Variants in CDC14A observed in about 807,000 individuals in gnomAD.
The protein encoded by CDC14A is cell division cycle 14A.
Under a neutral mutation model 74.4 loss-of-function variants are expected in CDC14A, and 53 were observed. That is an observed-to-expected ratio of 0.71 (90% confidence interval 0.57 to 0.89). CDC14A has a LOEUF of 0.89. CDC14A is among the 40% of genes least tolerant of loss of function. The probability of loss-of-function intolerance (pLI) is 0.00; values close to 1 mark genes in which losing one functional copy is unlikely to be tolerated. For missense variants in CDC14A, 646 were observed against 713.7 expected, an observed-to-expected ratio of 0.91 and a Z score of 1.08; for synonymous variants, 247 against 258.4, an observed-to-expected ratio of 0.96 and a Z score of 0.43.
chr1:100,393,311 A>G (rs1236803145), intron 4 of CDC14A: 12 of 1,095,730 alleles, frequency 1.1e-5, no homozygotes, highest in African/African-American at 6.2e-5. Context: ...TCCAGGCATT[A>G]CATCCATGCT....
At chr1:100,409,266 C>A (rs913525323) in intron 4 of CDC14A, among the ~76,000 whole-genome samples, 1 of 152,154 alleles carries the variant, frequency 6.6e-6, no homozygotes, top group African/African-American at 2.4e-5. Flanking sequence ...ATTCAGACAC[C>A]TCCCATCGGG....
chr1:100,430,657 G>A (rs1013608265), intron 5 of CDC14A, among the ~76,000 whole-genome samples: 6 of 152,154 alleles, frequency 3.9e-5, no homozygotes, highest in African/African-American at 9.7e-5. Context: ...GCTGGTAGAC[G>A]TTAGATGTAA....
chr1:100,480,566 T>C (rs1571303105), intron 10 of CDC14A, among the ~76,000 whole-genome samples: 1 of 152,194 alleles, frequency 6.6e-6, no homozygotes, highest in East Asian at 1.9e-4. Flanking sequence ...TCTGAGGAAC[T>C]GTGAAACTGT....
chr1:100,345,467 T>C (rs946353391), intron 1 of CDC14A, among the ~76,000 whole-genome samples: 6 of 152,180 alleles, frequency 3.9e-5, no homozygotes, highest in African/African-American at 1.4e-4. Context: ...ATAATTTCTA[T>C]TTAATATCAG....
intron 4 of CDC14A, among the ~76,000 whole-genome samples, chr1:100,411,471 T>C (rs990873814): frequency 6.6e-6 from 1 of 152,206 alleles, no homozygotes; most frequent in African/African-American, 2.4e-5. Flanking sequence ...TTGTTTTTCC[T>C]TCCTTTTCCT....
rs3767839 is a variant in CDC14A at position 100,518,067 on chromosome 1, G to A, written c.1756-184G>A. On this transcript the variant is annotated intron_variant, in intron 15 of 15. Transcript: ENST00000336454. ...TAAAGTTTTCTTACAATCACTTTGCGTAATTGAATATCTCATTCTTACCTA... is the reference window on the plus strand; with the variant it reads ...TAAAGTTTTCTTACAATCACTTTGCATAATTGAATATCTCATTCTTACCTA... Among the ~76,000 whole-genome samples, 138,496 of 152,230 alleles carry A rather than the reference G, an allele frequency of 0.91. 64,195 individuals carry two copies. The highest frequency in any genetic ancestry group is 1 in the Non-Finnish European group (67,765 of 68,034).
At chr1:100,382,011 A>G (rs1226395801) in intron 3 of CDC14A, among the ~76,000 whole-genome samples, 1 of 152,140 alleles carries the variant, frequency 6.6e-6, no homozygotes, top group African/African-American at 2.4e-5. Context: ...CAAGGGATCC[A>G]TAAACCCTTG....
intron 5 of CDC14A, among the ~76,000 whole-genome samples, chr1:100,430,009 A>T (rs1052909405): frequency 1.3e-5 from 2 of 151,902 alleles, no homozygotes; most frequent in African/African-American, 4.8e-5. Context: ...ACAGGCATGC[A>T]CCACTGCATC....
At chr1:100,410,056 A>G (rs1003122731) in intron 4 of CDC14A, among the ~76,000 whole-genome samples, 1 of 152,078 alleles carries the variant, frequency 6.6e-6, no homozygotes, top group Non-Finnish European at 1.5e-5. Context: ...TAAAAAATAA[A>G]AAAGAATTAA....
intron 11 of CDC14A, among the ~76,000 whole-genome samples, chr1:100,492,631 T>C (rs1670816860): frequency 6.6e-6 from 1 of 152,226 alleles, no homozygotes; most frequent in African/African-American, 2.4e-5. Flanking sequence ...TTTTCTTTTT[T>C]GACGCTCTCT....
chr1:100,457,263 A>G (rs552461880), intron 8 of CDC14A, among the ~76,000 whole-genome samples: 69 of 152,300 alleles, frequency 4.5e-4, no homozygotes, highest in African/African-American at 1.5e-3. Flanking sequence ...GGATACATGC[A>G]TTTTGAAAAA....
At chr1:100,390,464 C>T (rs1249613387) in intron 3 of CDC14A, among the ~76,000 whole-genome samples, 2 of 151,900 alleles carry the variant, frequency 1.3e-5, no homozygotes, top group Non-Finnish European at 2.9e-5. Flanking sequence ...ATAGAGATGC[C>T]AATATTTTAA....
chr1:100,362,084 T>C (rs1652831123), intron 2 of CDC14A, among the ~76,000 whole-genome samples: 1 of 152,178 alleles, frequency 6.6e-6, no homozygotes, highest in African/African-American at 2.4e-5. Context: ...ACTGCCTTTT[T>C]GCTATTCTGT....
At chr1:100,346,761 T>G (rs928225125) in intron 1 of CDC14A, among the ~76,000 whole-genome samples, 2 of 152,244 alleles carry the variant, frequency 1.3e-5, no homozygotes, top group Non-Finnish European at 2.9e-5. Context: ...TTGACTACTC[T>G]GAAGTATATT....
At chr1:100,447,597 T>C (rs1358473755) in intron 7 of CDC14A, among the ~76,000 whole-genome samples, 1 of 152,226 alleles carries the variant, frequency 6.6e-6, no homozygotes, top group Non-Finnish European at 1.5e-5. Flanking sequence ...AATCTAGCCA[T>C]TTCAAATCTA....
At chr1:100,429,206 A>AAAGTAAATAAATAAATAAAT (rs1663318468) in intron 5 of CDC14A, among the ~76,000 whole-genome samples, 3 of 113,398 alleles carry the variant, frequency 2.6e-5, no homozygotes, top group South Asian at 2.4e-4. Flanking sequence ...TCCATCTCAA[A>AAAGTAAATAAATAAATAAAT]AAATAAATAA....
chr1:100,450,064 T>C (rs1342320257), intron 7 of CDC14A, among the ~76,000 whole-genome samples: 1 of 152,198 alleles, frequency 6.6e-6, no homozygotes, highest in Non-Finnish European at 1.5e-5. Context: ...CTAGATGTTT[T>C]AATCTAAGAC....
chr1:100,359,688 CGTGAAAACGAAAGAAGCCCA>C (rs2100891151), intron 2 of CDC14A, among the ~76,000 whole-genome samples: 2 of 151,978 alleles, frequency 1.3e-5, no homozygotes, highest in African/African-American at 4.8e-5. Context: ...TTGTAGGACA[CGTGAAAACGAAAGAAGCCCA>C]GTTTTTATAA....
intron 2 of CDC14A, among the ~76,000 whole-genome samples, chr1:100,364,511 C>G (rs1191302691): frequency 6.6e-6 from 1 of 152,156 alleles, no homozygotes; most frequent in Non-Finnish European, 1.5e-5. Flanking sequence ...GCCCCCGGCC[C>G]TGTGATCCTC....
Sources: gnomAD v4.1 joint callset for allele counts (sites outside exome capture counted in the v4.1 genomes callset) on GRCh38, gnomAD v4.1.1 for gene constraint, MANE v1.5 for transcripts, NCBI Gene and HGNC (gene_info 2026-07-23, HGNC 2026-07-21) for gene names.